The following AGBL1 variants were observed in gnomAD, a reference collection of about 807,000 sequenced individuals.
AGBL1 encodes AGBL carboxypeptidase 1.
Under a neutral mutation model 118.9 loss-of-function variants are expected in AGBL1, and 130 were observed. The observed-to-expected ratio is 1.09, with a 90% CI of 0.95 to 1.26. AGBL1 has a LOEUF of 1.26. AGBL1 is among the 50% of genes most tolerant of loss of function. The pLI, the probability that AGBL1 is intolerant of heterozygous loss-of-function variation, is 0.00. For missense variants in AGBL1, 1,584 were observed against 1,298.1 expected (o/e 1.22, Z -3.38); for synonymous variants, 555 against 478.9 (o/e 1.16, Z -2.08).
chr15:86,826,090 TATC>T lies in AGBL1; in HGVS notation c.3159-80994_3159-80992del, dbSNP rs373037698. Among the ~76,000 whole-genome samples the T allele has an allele frequency of 1.9e-3, 290 of 152,304 alleles. 1 individual carries two copies. Among genetic ancestry groups the T allele is most frequent in the African/African-American group, 6.2e-3 (258 of 41,574 alleles). Reference sequence around the variant, plus strand: ...TCACACTGATGTAATCCACTGATTTTATCATATTTCTCCAGTTTTGCTTGTACT... The same window carrying T: ...TCACACTGATGTAATCCACTGATTTTATATTTCTCCAGTTTTGCTTGTACT... On this transcript the variant is annotated intron_variant, in intron 22 of 22. Transcript: ENST00000614907.
chr15:86,451,473 G>A (rs1472938411), intron 18 of AGBL1, among the ~76,000 whole-genome samples: 1 of 152,152 alleles, frequency 6.6e-6, no homozygotes, highest in East Asian at 1.9e-4. Flanking sequence ...CCTTTCTTAG[G>A]CTTCTGAATA....
At chr15:86,995,065 T>C (rs1315000961) in intron 24 of AGBL1, among the ~76,000 whole-genome samples, 2 of 152,100 alleles carry the variant, frequency 1.3e-5, no homozygotes, top group Non-Finnish European at 2.9e-5. Flanking sequence ...TCTAGTCCTA[T>C]GTGGTAGATA....
At chr15:86,767,175 A>G (rs2078108053) in intron 22 of AGBL1, among the ~76,000 whole-genome samples, 2 of 151,986 alleles carry the variant, frequency 1.3e-5, no homozygotes, top group Non-Finnish European at 2.9e-5. Flanking sequence ...TATTTTTTAA[A>G]GAATGCAATA....
At chr15:86,895,392 G>A (rs1408574573) in intron 22 of AGBL1, among the ~76,000 whole-genome samples, 1 of 148,382 alleles carries the variant, frequency 6.7e-6, no homozygotes, top group Non-Finnish European at 1.5e-5. Flanking sequence ...TATCTGACAT[G>A]TTTAGTTTTT....
chr15:86,711,286 A>C (rs185608233), intron 22 of AGBL1, among the ~76,000 whole-genome samples: 1 of 152,206 alleles, frequency 6.6e-6, no homozygotes, highest in African/African-American at 2.4e-5. Context: ...CTTTACAAAA[A>C]TCCTGAGGTA....
intron 23 of AGBL1, among the ~76,000 whole-genome samples, chr15:86,970,583 G>A (rs2081097080): frequency 6.6e-6 from 1 of 151,928 alleles, no homozygotes; most frequent in Non-Finnish European, 1.5e-5. Context: ...TTTATTTTCA[G>A]AGTTAGTTTT....
intron 24 of AGBL1, among the ~76,000 whole-genome samples, chr15:87,022,776 C>A (rs954327496): frequency 1.3e-5 from 2 of 152,068 alleles, no homozygotes; most frequent in Admixed American, 1.3e-4. Context: ...AGAAACCGTA[C>A]AAGCTAGAAG....
chr15:86,809,050 A>G (rs1056578178), intron 22 of AGBL1, among the ~76,000 whole-genome samples: 2 of 152,028 alleles, frequency 1.3e-5, no homozygotes, highest in African/African-American at 4.8e-5. Context: ...TGAATATCTA[A>G]AAAAAGGAGA....
intron 21 of AGBL1, among the ~76,000 whole-genome samples, chr15:86,616,366 A>ATG (rs2084725515): frequency 6.6e-6 from 1 of 150,904 alleles, no homozygotes; most frequent in African/African-American, 2.5e-5. Flanking sequence ...AAAAAAAAAA[A>ATG]AAAAAATGAA....
intron 24 of AGBL1, among the ~76,000 whole-genome samples, chr15:87,022,813 T>TCAAA (rs1422751106): frequency 6.6e-6 from 1 of 152,068 alleles, no homozygotes; most frequent in Non-Finnish European, 1.5e-5. Flanking sequence ...TTCAGCTTCC[T>TCAAA]CAAACAAAAC....
At chr15:87,014,567 C>G (rs773722583) in intron 24 of AGBL1, among the ~76,000 whole-genome samples, 1 of 152,006 alleles carries the variant, frequency 6.6e-6, no homozygotes, top group Admixed American at 6.6e-5. Flanking sequence ...TAGATCTAGG[C>G]GAGTTATTAT....
At chr15:86,165,011 G>T (rs2077317891) in intron 5 of AGBL1, among the ~76,000 whole-genome samples, 1 of 152,158 alleles carries the variant, frequency 6.6e-6, no homozygotes, top group South Asian at 2.1e-4. Context: ...TTTTCAGCAG[G>T]AAGGTCATGC....
At chr15:86,542,398 T>C (rs1404565268) in intron 19 of AGBL1, among the ~76,000 whole-genome samples, 2 of 147,532 alleles carry the variant, frequency 1.4e-5, no homozygotes, top group African/African-American at 5.0e-5. Context: ...CAGAGTTTTG[T>C]TCTTTTTGAC....
intron 21 of AGBL1, among the ~76,000 whole-genome samples, chr15:86,664,806 A>C (rs920337015): frequency 1.3e-5 from 2 of 151,830 alleles, no homozygotes; most frequent in African/African-American, 4.8e-5. Context: ...TATAAAAGTT[A>C]ATTTTAAATT....
intron 23 of AGBL1, among the ~76,000 whole-genome samples, chr15:86,979,671 T>G (rs950659349): frequency 1.3e-5 from 2 of 151,534 alleles, no homozygotes; most frequent in African/African-American, 4.9e-5. Flanking sequence ...TGTTTGTTTG[T>G]TTTTTGTATT....
At chr15:86,550,035 A>G (rs1173300194) in intron 20 of AGBL1, among the ~76,000 whole-genome samples, 1 of 152,120 alleles carries the variant, frequency 6.6e-6, no homozygotes, top group African/African-American at 2.4e-5. Flanking sequence ...TTGATGATTA[A>G]CCCCAAATTA....
At chr15:86,962,644 T>G (rs1011304979) in intron 23 of AGBL1, among the ~76,000 whole-genome samples, 6 of 152,092 alleles carry the variant, frequency 3.9e-5, no homozygotes, top group Admixed American at 1.3e-4. Context: ...ATATAAGATT[T>G]ACACCAGAAG....
intron 21 of AGBL1, among the ~76,000 whole-genome samples, chr15:86,604,323 A>G (rs549720926): frequency 1.3e-5 from 2 of 152,310 alleles, no homozygotes; most frequent in East Asian, 3.9e-4. Flanking sequence ...TTGTTTTATT[A>G]TAATTATTTA....
At chr15:86,105,096 A>G (rs1896973512) in intron 1 of AGBL1, 1 of 152,210 alleles carries the variant, frequency 6.6e-6, no homozygotes, top group Non-Finnish European at 1.5e-5. Context: ...GTTCTTTCTT[A>G]GATGATCTAT....
Sources: allele counts gnomAD v4.1 joint callset (sites outside exome capture counted in the v4.1 genomes callset), GRCh38; gene constraint gnomAD v4.1.1; transcripts MANE v1.5; gene names NCBI Gene and HGNC (gene_info 2026-07-23, HGNC 2026-07-21).